The following TMEM150C variants were observed in gnomAD, a reference collection of about 807,000 sequenced individuals.
TMEM150C encodes the protein tentonin 3.
TMEM150C carries 10 observed loss-of-function variants against 29.9 expected under a neutral mutation model. The observed-to-expected ratio is 0.33, with a 90% CI of 0.21 to 0.57. TMEM150C has a LOEUF of 0.57. Ranked by LOEUF, TMEM150C falls within the 20% of genes least tolerant of loss-of-function variation. The pLI is 0.88. For missense variants in TMEM150C, 251 were observed against 303.6 expected (o/e 0.83, Z 1.29); for synonymous variants, 101 against 112.5 (o/e 0.90, Z 0.64).
chr4:82,491,310 T>C, intron 6 of TMEM150C: 1 of 678,006 alleles, frequency 1.5e-6, no homozygotes, highest in Non-Finnish European at 2.7e-6. Context: ...TTGCTTTGTC[T>C]CTGGTCTGTA....
intron 1 of TMEM150C, among the ~76,000 whole-genome samples, chr4:82,532,051 T>C (rs1172380047): frequency 6.6e-6 from 1 of 152,098 alleles, no homozygotes; most frequent in African/African-American, 2.4e-5. Context: ...GATGGAGCAA[T>C]AGTTCAAAGA....
At chr4:82,505,325 G>C (rs2110070540) in intron 1 of TMEM150C, among the ~76,000 whole-genome samples, 1 of 152,254 alleles carries the variant, frequency 6.6e-6, no homozygotes, top group East Asian at 1.9e-4. Flanking sequence ...GAGATTACAG[G>C]CATGAGCCAC....
chr4:82,487,326 G>A (rs1012830428), intron 7 of TMEM150C, among the ~76,000 whole-genome samples: 1 of 152,174 alleles, frequency 6.6e-6, no homozygotes, highest in African/African-American at 2.4e-5. Flanking sequence ...GTGTGTGCCT[G>A]TAATCCCAGC....
At chr4:82,538,792 G>A (rs894370819) in intron 1 of TMEM150C, among the ~76,000 whole-genome samples, 1 of 152,178 alleles carries the variant, frequency 6.6e-6, no homozygotes, top group Non-Finnish European at 1.5e-5. Flanking sequence ...CAGGTGCAGT[G>A]GCTCATGCCT....
At chr4:82,509,418 CAG>C (rs1252053228) in intron 1 of TMEM150C, among the ~76,000 whole-genome samples, 1 of 152,134 alleles carries the variant, frequency 6.6e-6, no homozygotes, top group Non-Finnish European at 1.5e-5. Context: ...TGGAAGTGAA[CAG>C]AGTGTTACTA....
rs1723345332 is a variant in TMEM150C, at chr4:82,491,490, C to T, written c.364-1252G>A. On this transcript the variant is annotated intron_variant, in intron 6 of 7. Transcript: ENST00000449862. ...CAATTTCACAAAGCGAGTGAGGTCA[C>T]TTTTGGGCTGGATGTCCTGTCCAAT... The T allele has an allele frequency of 1.3e-5, 9 of 680,930 alleles. No individual in the cohort carries two copies. The East Asian group carries it at 2.0e-4, about 15-fold the overall frequency. 42.2% of individuals were successfully genotyped at this position (680,930 alleles called of 1,614,324 possible). A position where few individuals can be genotyped will look rare whatever the true frequency, so the allele number is the denominator to read the frequency against.
chr4:82,540,117 T>G (rs59847512), intron 1 of TMEM150C, among the ~76,000 whole-genome samples: 4 of 52,372 alleles, frequency 7.6e-5, no homozygotes, highest in Non-Finnish European at 1.3e-4. Context: ...ACCTATTCTT[T>G]TTTTTTTTTT....
chr4:82,558,393 T>A (rs115802888), intron 1 of TMEM150C, among the ~76,000 whole-genome samples: 1 of 152,194 alleles, frequency 6.6e-6, no homozygotes, highest in African/African-American at 2.4e-5. Context: ...TAGAAAAGGC[T>A]GTTTATAGAT....
intron 1 of TMEM150C, among the ~76,000 whole-genome samples, chr4:82,541,838 G>A (rs2110088059): frequency 6.6e-6 from 1 of 152,230 alleles, no homozygotes; most frequent in Middle Eastern, 3.4e-3. Context: ...CATACTTACG[G>A]TTCTCATAAA....
intron 1 of TMEM150C, among the ~76,000 whole-genome samples, chr4:82,528,621 T>C (rs1298470825): frequency 1.3e-5 from 2 of 151,024 alleles, no homozygotes; most frequent in Non-Finnish European, 3.0e-5. Flanking sequence ...TTTTTTTTTT[T>C]AGATGGAGTC....
intron 1 of TMEM150C, among the ~76,000 whole-genome samples, chr4:82,518,586 G>A (rs891290653): frequency 8.5e-5 from 13 of 152,316 alleles, no homozygotes; most frequent in Middle Eastern, 3.4e-3. Context: ...TAGGTGGGAG[G>A]GTAGGGCAGG....
intron 1 of TMEM150C, among the ~76,000 whole-genome samples, chr4:82,543,608 A>T (rs1275989465): frequency 6.6e-6 from 1 of 152,236 alleles, no homozygotes; most frequent in Non-Finnish European, 1.5e-5. Context: ...TTGGATGAAG[A>T]CAACATTGAA....
intron 1 of TMEM150C, among the ~76,000 whole-genome samples, chr4:82,527,485 C>T (rs975568278): frequency 1.3e-5 from 2 of 152,140 alleles, no homozygotes; most frequent in Admixed American, 1.3e-4. Context: ...GTGTGTTTAG[C>T]TCCACGACGA....
intron 1 of TMEM150C, among the ~76,000 whole-genome samples, chr4:82,530,905 A>G (rs1724825149): frequency 6.6e-6 from 1 of 152,158 alleles, no homozygotes; most frequent in East Asian, 1.9e-4. Flanking sequence ...GGGAGGTAAC[A>G]CACACTTTTA....
chr4:82,534,207 G>A lies in TMEM150C; in HGVS notation c.-11+27699C>T, dbSNP rs145252878. Among the ~76,000 whole-genome samples, 110 of 152,180 alleles carry A rather than the reference G, an allele frequency of 7.2e-4. 1 individual carries two copies. In the East Asian group the frequency reaches 0.019, roughly 27 times the overall value. On this transcript the variant is annotated intron_variant, in intron 1 of 7. Coordinates refer to ENST00000449862, the MANE Select transcript of TMEM150C (RefSeq NM_001080506.3). ...TATTTTGCAATGTTCTGGAAGCTTC[G>A]GACAATGTGAACAGCTAGAAATAAC...
At chr4:82,507,210 A>G (rs1463263627) in intron 1 of TMEM150C, among the ~76,000 whole-genome samples, 2 of 152,208 alleles carry the variant, frequency 1.3e-5, no homozygotes, top group Non-Finnish European at 2.9e-5. Context: ...AGCCCCAGAG[A>G]AAATGTTAAC....
At chr4:82,543,645 T>C (rs1314762072) in intron 1 of TMEM150C, among the ~76,000 whole-genome samples, 4 of 152,180 alleles carry the variant, frequency 2.6e-5, no homozygotes, top group African/African-American at 9.7e-5. Context: ...CTGATGCAAA[T>C]AGCACAGGTT....
At chr4:82,513,881 AAAG>A (rs1724210468) in intron 1 of TMEM150C, among the ~76,000 whole-genome samples, 1 of 152,260 alleles carries the variant, frequency 6.6e-6, no homozygotes, top group African/African-American at 2.4e-5. Flanking sequence ...CAAGTCTTGG[AAAG>A]AAGGTTGGGA....
intron 1 of TMEM150C, among the ~76,000 whole-genome samples, chr4:82,532,912 T>G (rs1724893633): frequency 6.6e-6 from 1 of 152,080 alleles, no homozygotes; most frequent in Non-Finnish European, 1.5e-5. Context: ...GTATTTTTAG[T>G]ACAGACAGGG....
Sources: gnomAD v4.1 joint callset for allele counts (sites outside exome capture counted in the v4.1 genomes callset) on GRCh38, gnomAD v4.1.1 for gene constraint, MANE v1.5 for transcripts, NCBI Gene and HGNC (gene_info 2026-07-23, HGNC 2026-07-21) for gene names.